TRPV2: variants seen among roughly 807,000 people sequenced by gnomAD.
TRPV2 encodes OTRPC2.
Under a neutral mutation model 91.0 loss-of-function variants are expected in TRPV2, and 58 were observed. The ratio of observed to expected loss-of-function variants is 0.64; its 90% CI spans 0.52 to 0.79. The LOEUF (loss-of-function observed/expected upper bound fraction) is 0.79, where lower values mean the gene tolerates loss of function less well. TRPV2 is among the 30% of genes least tolerant of loss of function. The pLI is 0.00. For missense variants in TRPV2, 807 were observed against 969.6 expected, an observed-to-expected ratio of 0.83 and a Z score of 2.23; for synonymous variants, 417 against 414.8, an observed-to-expected ratio of 1.01 and a Z score of -0.06.
chr17:16,431,286 T>TATATATATATATAC (rs1491151601), intron 10 of TRPV2, among the ~76,000 whole-genome samples: 1 of 48,698 alleles, frequency 2.1e-5, no homozygotes, highest in African/African-American at 7.4e-5. Context: ...TATATATATA[T>TATATATATATATAC]ACATATTTTT....
chr17:16,420,434 G>A (rs546360515), intron 3 of TRPV2, among the ~76,000 whole-genome samples, 186 bp downstream of exon 3: 49 of 152,264 alleles, frequency 3.2e-4, no homozygotes, highest in Non-Finnish European at 5.3e-4. Context: ...AGTCTTGGCT[G>A]TGCCTCCCAC....
chr17:16,428,244 C>T (rs1368151970), intron 8 of TRPV2, 73 bp from the exon 9 acceptor site: 3 of 1,456,388 alleles, frequency 2.1e-6, no homozygotes, highest in African/African-American at 2.8e-5. Context: ...TGGCAGGCTC[C>T]CACTCAGCCA....
At chr17:16,431,597 C>G (rs915505804) in intron 10 of TRPV2, among the ~76,000 whole-genome samples, 187 bp from the exon 11 acceptor site, 3 of 152,054 alleles carry the variant, frequency 2.0e-5, no homozygotes, top group African/African-American at 7.2e-5. Flanking sequence ...CCGCACCCAG[C>G]CAGATCTGAG....
chr17:16,428,277 G>C (rs2093393667), intron 8 of TRPV2, 40 bp from the exon 9 acceptor site: 1 of 1,604,120 alleles, frequency 6.2e-7, no homozygotes, highest in Non-Finnish European at 8.5e-7. Context: ...GCATGCGGGA[G>C]AGCAGGTTTC....
At chr17:16,432,439 CTTTTTT>C in intron 12 of TRPV2, 139 bp downstream of exon 12, 2 of 534,732 alleles carry the variant, frequency 3.7e-6, no homozygotes, top group East Asian at 3.2e-5. Context: ...CTTCCTCTTC[CTTTTTT>C]TTTTTTTTTT....
Position 16,423,499 on chromosome 17 carries a change from C to T in TRPV2, c.656C>T (p.Thr219Ile). ...CTACCCCTCTCTTTGGCCGCTTGCACCAAGCAGTGGGATGTGGTAAGCTAC... is the reference window on the plus strand; with the variant it reads ...CTACCCCTCTCTTTGGCCGCTTGCATCAAGCAGTGGGATGTGGTAAGCTAC... ...GELPLSLAAC[T>I]KQWDVVSYLL... Residue 219 changes from threonine to isoleucine, a missense_variant, in exon 5 of 15, where the codon ACC becomes ATC. Transcript: ENST00000338560. The T allele has an allele frequency of 6.2e-7, 1 of 1,613,112 alleles. No individual in the cohort carries two copies. Among genetic ancestry groups the T allele is most frequent in the Middle Eastern group, 1.7e-4 (1 of 6,054 alleles).
At position 16,423,673 on chromosome 17, in the gene TRPV2, G is replaced by A; in HGVS notation, c.830G>A (p.Gly277Glu). Residue 277 changes from glycine to glutamate, a missense_variant, in exon 5 of 15, where the codon GGG becomes GAG. Coordinates refer to ENST00000338560, the MANE Select transcript of TRPV2 (RefSeq NM_016113.5). The part of the protein sequence containing the change: ...TSMYDGLLQA[G>E]ARLCPTVQLE... Reference sequence around the variant, plus strand: ...ATGTATGATGGGCTCCTCCAAGCTGGGGCCCGCCTCTGCCCTACCGTGCAG... The same window carrying A: ...ATGTATGATGGGCTCCTCCAAGCTGAGGCCCGCCTCTGCCCTACCGTGCAG... 1 of 1,614,142 alleles carries A rather than the reference G, an allele frequency of 6.2e-7. No homozygotes were observed. Among genetic ancestry groups the A allele is most frequent in the Non-Finnish European group, 8.5e-7 (1 of 1,180,024 alleles).
At chr17:16,432,423 G>A (rs1266019939) in intron 12 of TRPV2, 123 bp downstream of exon 12, 1 of 739,618 alleles carries the variant, frequency 1.4e-6, no homozygotes, top group Non-Finnish European at 2.1e-6. Context: ...GCTCTACCTT[G>A]TCAGTCTTCC....
chr17:16,421,629 C>T (rs1466268345), intron 3 of TRPV2, among the ~76,000 whole-genome samples: 2 of 150,662 alleles, frequency 1.3e-5, no homozygotes, highest in Non-Finnish European at 2.9e-5. Flanking sequence ...CCAAGCAATT[C>T]TCCTGCCTCA....
intron 3 of TRPV2, among the ~76,000 whole-genome samples, chr17:16,420,534 T>C (rs997552406): frequency 6.6e-6 from 1 of 152,128 alleles, no homozygotes; most frequent in East Asian, 1.9e-4. Context: ...TCTTTTTTTA[T>C]CTTTTTTAAT....
At chr17:16,431,285 ATACATATTTTT>A (rs1250422613) in intron 10 of TRPV2, among the ~76,000 whole-genome samples, 8 of 43,682 alleles carry the variant, frequency 1.8e-4, no homozygotes, top group African/African-American at 4.9e-4. Context: ...ATATATATAT[ATACATATTTTT>A]TTTTTTTTTT....
chr17:16,422,452 C>G, intron 3 of TRPV2, 147 bp from the exon 4 acceptor site: 1 of 716,852 alleles, frequency 1.4e-6, no homozygotes, highest in Non-Finnish European at 2.3e-6. Context: ...TAGCCTATAA[C>G]ATGGTTGTGC....
At position 16,435,232 on chromosome 17, in the gene TRPV2, G is replaced by A. The variant is rs2093430374; in HGVS notation, c.2194+263G>A. On this transcript the variant is annotated intron_variant, in intron 14 of 14. Coordinates refer to ENST00000338560, the MANE Select transcript of TRPV2 (RefSeq NM_016113.5). The surrounding 1 kb of genome is among the most constrained non-coding windows in gnomAD (Gnocchi z 4.2). Reference sequence around the variant, plus strand: ...GCTTCCACCAGCCCAGCCTCTGGCTGCCCTCTCTCTGATGCCAGTCAGTCA... The same window carrying A: ...GCTTCCACCAGCCCAGCCTCTGGCTACCCTCTCTCTGATGCCAGTCAGTCA... 6.6e-6 allele frequency among the ~76,000 whole-genome samples: 1 copy of A among 152,180 alleles called. No individual in the cohort carries two copies. Among genetic ancestry groups the A allele is most frequent in the African/African-American group, 2.4e-5 (1 of 41,430 alleles).
rs534875062 is a variant in TRPV2 at position 16,419,242 on chromosome 17, G to T, written c.201-873G>T. On this transcript the variant is annotated intron_variant, in intron 2 of 14. Transcript: ENST00000338560. The stretch of plus-strand genomic sequence containing the variant: ...CTGTGATTAGTAACACAGCCCAGGA[G>T]GGAATGACTCATGCCCTTCCCACTT... The T allele has an allele frequency of 4.4e-5, 20 of 458,672 alleles. 2 individuals are homozygous for T. Among genetic ancestry groups the T allele is most frequent in the African/African-American group, 1.8e-4 (9 of 49,128 alleles). The allele number at this position is 458,672 out of a possible 1,614,324, so 28.4% of individuals were successfully genotyped here. A position where few individuals can be genotyped will look rare whatever the true frequency, so the allele number is the denominator to read the frequency against.
At chr17:16,422,487 C>T (rs2093362690) in intron 3 of TRPV2, 112 bp from the exon 4 acceptor site, 1 of 1,106,482 alleles carries the variant, frequency 9.0e-7, no homozygotes. Flanking sequence ...TGTAGCATCT[C>T]TTTTAATCCT....
At chr17:16,430,305 C>T (rs2093403704) in intron 10 of TRPV2, among the ~76,000 whole-genome samples, 1 of 152,172 alleles carries the variant, frequency 6.6e-6, no homozygotes, top group Admixed American at 6.5e-5. Context: ...AACAACTCCC[C>T]ATTCCCTTCC....
intron 10 of TRPV2, among the ~76,000 whole-genome samples, chr17:16,430,604 GCCT>G (rs2093405414): frequency 6.6e-6 from 1 of 151,682 alleles, no homozygotes; most frequent in Admixed American, 6.6e-5. Context: ...TCCTGCCTCA[GCCT>G]CCCGAGTAGC....
chr17:16,426,201 CT>C lies in TRPV2; in HGVS notation c.1028del (p.Leu343ArgfsTer34). 1 of 1,614,206 alleles carries C rather than the reference CT, an allele frequency of 6.2e-7. No homozygotes were observed. The highest frequency in any genetic ancestry group is 1.1e-5 in the South Asian group (1 of 91,076). ...YGPVRVSLYD[L>X]ASVDSCEENS... ...GCCTGTCCGGGTGTCGCTGTATGACCTGGCTTCTGTGGACAGCTGTGAGGAG... is the reference window on the plus strand; with the variant it reads ...GCCTGTCCGGGTGTCGCTGTATGACCGGCTTCTGTGGACAGCTGTGAGGAG... On this transcript the variant is annotated frameshift_variant, in exon 6 of 15. Transcript: ENST00000338560. LOFTEE classifies it high-confidence loss of function. This position sits in a 1 kb window ranked among gnomAD's most constrained non-coding sequence, Gnocchi z 6.0.
chr17:16,417,629 C>CA lies in TRPV2; in HGVS notation c.-39dup. ...AGGACCCTTGACATCTCCATCTGCA[C>CA]AGAGGTCCTGGCTGGACCGAGCAGC... On this transcript the variant is annotated 5_prime_UTR_variant, in exon 2 of 15. Coordinates refer to ENST00000338560, the MANE Select transcript of TRPV2 (RefSeq NM_016113.5). The CA allele has an allele frequency of 6.2e-7, 1 of 1,607,056 alleles. No homozygotes were observed. The highest frequency in any genetic ancestry group is 8.5e-7 in the Non-Finnish European group (1 of 1,174,494).
Sources: gnomAD v4.1 joint callset for allele counts (sites outside exome capture counted in the v4.1 genomes callset) on GRCh38, gnomAD v4.1.1 for gene constraint, Gnocchi (gnomAD v3.1) non-coding constraint, MANE v1.5 for transcripts, NCBI Gene and HGNC (gene_info 2026-07-23, HGNC 2026-07-21) for gene names.